The following PSMB5 variants were observed in gnomAD, a reference collection of about 807,000 sequenced individuals.
PSMB5 encodes the protein proteasome 20S subunit beta 5.
A neutral mutation model predicts 22.8 loss-of-function variants in PSMB5; 2 were observed. The observed-to-expected ratio is 0.09, with a 90% CI of 0.04 to 0.28. The LOEUF (loss-of-function observed/expected upper bound fraction) is 0.28, where lower values mean the gene tolerates loss of function less well. PSMB5 is among the 10% of genes least tolerant of loss of function. PSMB5 has a pLI of 1.00. For synonymous variants in PSMB5, 133 were observed against 135.3 expected, an observed-to-expected ratio of 0.98 and a Z score of 0.12; for missense variants, 269 against 343.8, an observed-to-expected ratio of 0.78 and a Z score of 1.72.
At chr14:23,028,030 C>T (rs138958911) in intron 2 of PSMB5, among the ~76,000 whole-genome samples, 2,132 of 152,258 alleles carry the variant, frequency 0.014, 61 homozygotes, top group African/African-American at 0.049. Flanking sequence ...GTAATCCCAG[C>T]TACTCAGGAG....
intron 2 of PSMB5, among the ~76,000 whole-genome samples, chr14:23,030,413 C>T (rs976711767): frequency 2.7e-5 from 4 of 150,774 alleles, no homozygotes; most frequent in East Asian, 2.0e-4. Context: ...GGCGTGAATC[C>T]GGGAGGCGGA....
intron 2 of PSMB5, among the ~76,000 whole-genome samples, chr14:23,028,525 A>T (rs1489081556): frequency 6.6e-6 from 1 of 152,224 alleles, no homozygotes; most frequent in Non-Finnish European, 1.5e-5. Flanking sequence ...TTTTAATTTT[A>T]AAAGCGTAGC....
At chr14:23,026,963 T>C (rs1264655100) in intron 2 of PSMB5, among the ~76,000 whole-genome samples, 4 of 151,504 alleles carry the variant, frequency 2.6e-5, no homozygotes, top group Non-Finnish European at 4.4e-5. Flanking sequence ...ATGCCTATAA[T>C]CCCAGCTACT....
intron 1 of PSMB5, among the ~76,000 whole-genome samples, chr14:23,034,140 A>C (rs1270808999): frequency 6.6e-6 from 1 of 152,074 alleles, no homozygotes; most frequent in African/African-American, 2.4e-5. Context: ...AAAAAAAAAA[A>C]ACAAATCATT....
chr14:23,026,220 G>C lies in PSMB5; in HGVS notation c.661C>G (p.Gln221Glu). 1 of 1,614,088 alleles carries C rather than the reference G, an allele frequency of 6.2e-7. No individual in the cohort carries two copies. Among genetic ancestry groups the C allele is most frequent in the Non-Finnish European group, 8.5e-7 (1 of 1,180,016 alleles). ...GAGTAGGCATCTCTGTAGGTGGCTT[G>C]GTAGATGGCTCGACGGGCCAGATCA... is the stretch of plus-strand genomic sequence containing the variant. ...AYDLARRAIY[Q>E]ATYRDAYSGG... The change falls in exon 3 of 3, where the codon CAA becomes GAA. Residue 221 changes from glutamine (Q) to glutamate (E), a missense_variant. By Grantham distance (29) the Gln-to-Glu change is conservative. Transcript: ENST00000361611.
chr14:23,026,417 AC>A (rs1440739422), intron 2 of PSMB5, 42 bp from the exon 3 acceptor site: 8 of 1,574,364 alleles, frequency 5.1e-6, no homozygotes, highest in South Asian at 4.7e-5. Flanking sequence ...AAAAAAGATC[AC>A]CCCTTTTGAT....
At chr14:23,026,866 T>C (rs2046918120) in intron 2 of PSMB5, among the ~76,000 whole-genome samples, 1 of 133,584 alleles carries the variant, frequency 7.5e-6, no homozygotes, top group African/African-American at 2.8e-5. Context: ...GCAGATCACC[T>C]GAGGTCAGGC....
upstream of PSMB5, chr14:23,035,025 G>C: frequency 3.5e-6 from 5 of 1,422,066 alleles, no homozygotes; most frequent in African/African-American, 1.4e-5. Context: ...CCTCCAAAAA[G>C]AAGAGCCAGA....
At chr14:23,033,805 C>A (rs2046971162) in intron 1 of PSMB5, 131 bp from the exon 2 acceptor site, 5 of 744,660 alleles carry the variant, frequency 6.7e-6, no homozygotes, top group Admixed American at 5.7e-5. Flanking sequence ...CAGTATACTT[C>A]TATACTTCAC....
chr14:23,032,834 G>A (rs938634122), intron 2 of PSMB5, among the ~76,000 whole-genome samples: 32 of 150,790 alleles, frequency 2.1e-4, no homozygotes, highest in African/African-American at 6.8e-4. Flanking sequence ...TCCTGACCTC[G>A]TGATCCACTG....
chr14:23,033,697 C>G, intron 1 of PSMB5, 23 bp from the exon 2 acceptor site: 1 of 1,586,898 alleles, frequency 6.3e-7, no homozygotes, highest in Non-Finnish European at 8.6e-7. Context: ...GAGGAAAACA[C>G]AAAACAGGCC....
chr14:23,030,160 G>A (rs896778831), intron 2 of PSMB5, among the ~76,000 whole-genome samples: 1 of 151,690 alleles, frequency 6.6e-6, no homozygotes, highest in African/African-American at 2.4e-5. Context: ...TTACAGGCAT[G>A]AGCCACCATG....
chr14:23,034,887 G>A lies in PSMB5; in HGVS notation c.-6C>T, dbSNP rs748688246. 58 of 1,613,268 alleles carry A rather than the reference G, an allele frequency of 3.6e-5. No homozygotes were observed. In the East Asian group the frequency reaches 1.3e-3, roughly 35 times the overall value. ...AACACGCTGGCAAGCGCCATGTCTA[G>A]TGTGGGCAGAAAGAACTAATTCTGA... On this transcript the variant is annotated 5_prime_UTR_variant, in exon 1 of 3. Coordinates refer to ENST00000361611, the MANE Select transcript of PSMB5 (RefSeq NM_002797.5).
At chr14:23,028,077 A>G (rs1003836143) in intron 2 of PSMB5, among the ~76,000 whole-genome samples, 5 of 152,152 alleles carry the variant, frequency 3.3e-5, no homozygotes. Flanking sequence ...TGGGAGGTGG[A>G]GTTTGCAGTG....
chr14:23,031,391 C>A (rs1437645127), intron 2 of PSMB5, among the ~76,000 whole-genome samples: 1 of 152,186 alleles, frequency 6.6e-6, no homozygotes, highest in Non-Finnish European at 1.5e-5. Context: ...TTTTAATTTC[C>A]TTTCATCCTC....
intron 2 of PSMB5, among the ~76,000 whole-genome samples, chr14:23,033,017 A>G (rs912507643): frequency 1.5e-4 from 19 of 130,052 alleles, no homozygotes; most frequent in African/African-American, 5.2e-4. Flanking sequence ...AGCAATTCTC[A>G]TGCCTCAGCC....
intron 2 of PSMB5, among the ~76,000 whole-genome samples, chr14:23,027,143 G>A (rs975105168): frequency 8.6e-5 from 13 of 151,588 alleles, no homozygotes; most frequent in African/African-American, 3.2e-4. Flanking sequence ...AGCACTTTGG[G>A]AGGCCGAGGC....
At chr14:23,026,745 C>T (rs1373272280) in intron 2 of PSMB5, among the ~76,000 whole-genome samples, 4 of 150,532 alleles carry the variant, frequency 2.7e-5, no homozygotes, top group African/African-American at 4.9e-5. Context: ...CCACCTCGCC[C>T]GGCCAGCAGT....
Position 23,026,364 on chromosome 14 carries a change from C to T in PSMB5, c.517G>A (p.Val173Met), listed in dbSNP as rs375675979. ...GAAATCCGGTTCCCTTCACTGTCCA[C>T]GTAGTAGAGGCCTGGAAAGGGAGAT... Reference protein sequence around the residue: ...WDKRGPGLYYVDSEGNRISGA... With the variant: ...WDKRGPGLYYMDSEGNRISGA... The change falls in exon 3 of 3, where the codon GTG becomes ATG. Residue 173 changes from valine (V) to methionine (M), a missense_variant. Physicochemically the swap from Val to Met is conservative, Grantham distance 21. Around this residue, in one of 3 missense-constraint regions of PSMB5, gnomAD observed 113 missense variants for 130.2 expected, o/e 0.87. Transcript: ENST00000361611. 14 of 1,613,116 alleles carry T rather than the reference C, an allele frequency of 8.7e-6. No individual in the cohort carries two copies. Among genetic ancestry groups the T allele is most frequent in the African/African-American group, 5.4e-5 (4 of 74,580 alleles).
Sources: allele counts gnomAD v4.1 joint callset (sites outside exome capture counted in the v4.1 genomes callset), GRCh38; gene constraint gnomAD v4.1.1; regional missense constraint gnomAD v4.1.1; transcripts MANE v1.5; gene names NCBI Gene and HGNC (gene_info 2026-07-23, HGNC 2026-07-21).